ZNF407: variants seen among roughly 807,000 people sequenced by gnomAD.
ZNF407 encodes zinc finger protein 407.
ZNF407 carries 17 observed loss-of-function variants against 131.2 expected under a neutral mutation model. The ratio of observed to expected loss-of-function variants is 0.13; its 90% CI spans 0.09 to 0.19. The LOEUF is 0.19. ZNF407 is among the 10% of genes least tolerant of loss of function. The pLI is 1.00. For missense variants in ZNF407, 2,681 were observed against 2,830.6 expected (o/e 0.95, Z 1.20); for synonymous variants, 1,156 against 1,062.0 (o/e 1.09, Z -1.72).
chr18:74,657,082 G>GTT (rs11338662), intron 3 of ZNF407, among the ~76,000 whole-genome samples: 4 of 134,630 alleles, frequency 3.0e-5, no homozygotes, highest in Admixed American at 7.3e-5. Flanking sequence ...TGTTGAACTA[G>GTT]TTTTTTTTTT....
At chr18:74,628,147 C>T (rs1203495613) in intron 1 of ZNF407, among the ~76,000 whole-genome samples, 1 of 152,082 alleles carries the variant, frequency 6.6e-6, no homozygotes, top group Non-Finnish European at 1.5e-5. Flanking sequence ...AGGAATGTAT[C>T]TGAACTAATG....
At chr18:74,954,665 A>G (rs1181835655) in intron 8 of ZNF407, among the ~76,000 whole-genome samples, 3 of 152,224 alleles carry the variant, frequency 2.0e-5, no homozygotes, top group Non-Finnish European at 4.4e-5. Context: ...CTGCTTTTAT[A>G]TAACCCACAT....
chr18:74,859,625 A>C (rs1970909565), intron 4 of ZNF407, among the ~76,000 whole-genome samples: 1 of 152,252 alleles, frequency 6.6e-6, no homozygotes. Context: ...TGTCCTGAGA[A>C]GGAGAATTGC....
intron 3 of ZNF407, among the ~76,000 whole-genome samples, chr18:74,651,818 TG>T (rs1985240263): frequency 6.6e-6 from 1 of 152,178 alleles, no homozygotes; most frequent in African/African-American, 2.4e-5. Flanking sequence ...TGACAGTTCA[TG>T]ATTTAATTGA....
At chr18:74,716,803 T>C (rs1045725370) in intron 3 of ZNF407, among the ~76,000 whole-genome samples, 3 of 152,208 alleles carry the variant, frequency 2.0e-5, no homozygotes, top group African/African-American at 4.8e-5. Context: ...AGCCTACTTA[T>C]GTTGATATGT....
At chr18:74,720,307 TA>T (rs1312405342) in intron 3 of ZNF407, among the ~76,000 whole-genome samples, 3 of 152,032 alleles carry the variant, frequency 2.0e-5, no homozygotes, top group African/African-American at 7.2e-5. Flanking sequence ...GGCCATTCAT[TA>T]AAATGTCTGT....
At chr18:74,837,490 G>A (rs895028489) in intron 4 of ZNF407, among the ~76,000 whole-genome samples, 1 of 150,854 alleles carries the variant, frequency 6.6e-6, no homozygotes, top group Non-Finnish European at 1.5e-5. Flanking sequence ...TTACATTAAA[G>A]CAAGATGAAA....
chr18:74,643,542 A>T (rs191484093), intron 3 of ZNF407, among the ~76,000 whole-genome samples: 128 of 152,136 alleles, frequency 8.4e-4, no homozygotes, highest in Non-Finnish European at 8.5e-4. Context: ...GATTAATAAT[A>T]TAAAAAAATT....
intron 8 of ZNF407, among the ~76,000 whole-genome samples, chr18:74,958,328 G>A (rs1219629838): frequency 1.3e-5 from 2 of 152,162 alleles, no homozygotes; most frequent in East Asian, 3.9e-4. Context: ...TTAAGATAAA[G>A]GTTAAGTAAG....
intron 8 of ZNF407, chr18:75,062,450 C>T (rs1273312634): frequency 6.6e-6 from 1 of 152,248 alleles, no homozygotes; most frequent in Admixed American, 6.5e-5. Flanking sequence ...AGTATAGACT[C>T]CCCTCTCAGC....
At chr18:74,725,002 A>G (rs938704089) in intron 3 of ZNF407, among the ~76,000 whole-genome samples, 4 of 152,202 alleles carry the variant, frequency 2.6e-5, no homozygotes, top group African/African-American at 9.6e-5. Flanking sequence ...GCTTTTTCTC[A>G]TTCGATGTGT....
At chr18:74,756,728 AAT>A (rs1599128438) in intron 3 of ZNF407, among the ~76,000 whole-genome samples, 1 of 80,476 alleles carries the variant, frequency 1.2e-5, no homozygotes, top group Admixed American at 1.5e-4. Flanking sequence ...GTCATCTGTG[AAT>A]ATGTCTTTGT....
intron 7 of ZNF407, among the ~76,000 whole-genome samples, chr18:74,916,888 G>A (rs1298262190): frequency 6.6e-6 from 1 of 152,056 alleles, no homozygotes; most frequent in Non-Finnish European, 1.5e-5. Flanking sequence ...AGCAGTAGCT[G>A]CACATCAGGC....
At chr18:74,868,685 T>C (rs1971046230) in intron 4 of ZNF407, among the ~76,000 whole-genome samples, 1 of 152,246 alleles carries the variant, frequency 6.6e-6, no homozygotes, top group Non-Finnish European at 1.5e-5. Context: ...CAGTCGCTGC[T>C]GTTTCCATCA....
chr18:74,873,558 C>G (rs1219266997), intron 4 of ZNF407, among the ~76,000 whole-genome samples: 1 of 151,910 alleles, frequency 6.6e-6, no homozygotes, highest in Non-Finnish European at 1.5e-5. Flanking sequence ...TTTTAGGAAC[C>G]CCTTATTTAA....
At chr18:74,995,267 G>C (rs1020066316) in intron 8 of ZNF407, among the ~76,000 whole-genome samples, 1 of 152,136 alleles carries the variant, frequency 6.6e-6, no homozygotes, top group African/African-American at 2.4e-5. Context: ...GCACCTTAGG[G>C]CTAAAGGAGA....
chr18:74,877,537 G>T (rs1173671551), intron 5 of ZNF407, among the ~76,000 whole-genome samples, 174 bp downstream of exon 5: 1 of 152,214 alleles, frequency 6.6e-6, no homozygotes, highest in Admixed American at 6.5e-5. Flanking sequence ...TTATTTTTCA[G>T]TGAGAAGGCA....
In ZNF407 at chr18:75,006,449, T is replaced by C. The variant is rs185628983; in HGVS notation, c.5429-56701T>C. 2.7e-3 allele frequency among the ~76,000 whole-genome samples: 418 copies of C among 152,326 alleles called. 1 individual carries two copies. The highest frequency in any genetic ancestry group is 9.2e-3 in the African/African-American group (383 of 41,568). ...CAAGTAATGTCTTAGCTGCATCCTG[T>C]AAGTTTTTATATTTGAGAATTTGTG... On this transcript the variant is annotated intron_variant, in intron 8 of 8. Coordinates refer to ENST00000299687, the MANE Select transcript of ZNF407 (RefSeq NM_017757.3).
intron 3 of ZNF407, among the ~76,000 whole-genome samples, chr18:74,663,882 G>T (rs542436866): frequency 1.3e-5 from 2 of 152,326 alleles, no homozygotes; most frequent in East Asian, 1.9e-4. Context: ...TAAATTTCCA[G>T]ATGACCAAAC....
Sources: allele counts gnomAD v4.1 joint callset (sites outside exome capture counted in the v4.1 genomes callset), GRCh38; gene constraint gnomAD v4.1.1; transcripts MANE v1.5; gene names NCBI Gene and HGNC (gene_info 2026-07-23, HGNC 2026-07-21).